Variants in NEGR1 observed in about 807,000 individuals in gnomAD.
NEGR1 encodes the protein IgLON family member 4.
NEGR1 carries 10 observed loss-of-function variants against 40.9 expected under a neutral mutation model. That is an observed-to-expected ratio of 0.24 (90% CI 0.15 to 0.42). NEGR1 has a LOEUF of 0.42. NEGR1 is among the 10% of genes least tolerant of loss of function. The pLI is 1.00. For missense variants in NEGR1, 352 were observed against 438.9 expected, an observed-to-expected ratio of 0.80 and a Z score of 1.77; for synonymous variants, 185 against 166.8, an observed-to-expected ratio of 1.11 and a Z score of -0.84.
intron 2 of NEGR1, among the ~76,000 whole-genome samples, chr1:71,850,016 C>A (rs1426923825): frequency 1.3e-5 from 2 of 152,118 alleles, no homozygotes; most frequent in Non-Finnish European, 2.9e-5. Context: ...GGCAATGTCT[C>A]CCAAATATGC....
At chr1:71,452,071 A>G (rs982698536) in intron 6 of NEGR1, among the ~76,000 whole-genome samples, 2 of 152,224 alleles carry the variant, frequency 1.3e-5, no homozygotes, top group African/African-American at 2.4e-5. Flanking sequence ...TAATTTTACT[A>G]TGAGACAAAG....
chr1:71,878,757 C>A (rs1660502104), intron 2 of NEGR1, among the ~76,000 whole-genome samples: 1 of 152,128 alleles, frequency 6.6e-6, no homozygotes, highest in African/African-American at 2.4e-5. Flanking sequence ...TATGTGTCAT[C>A]TTGGTCTTAG....
intron 6 of NEGR1, among the ~76,000 whole-genome samples, chr1:71,422,014 A>G (rs1569852847): frequency 6.6e-6 from 1 of 151,894 alleles, no homozygotes; most frequent in Non-Finnish European, 1.5e-5. Context: ...ATATTAAACT[A>G]TATCTTATCT....
At chr1:72,012,424 A>G (rs1244502013) in intron 1 of NEGR1, among the ~76,000 whole-genome samples, 2 of 152,062 alleles carry the variant, frequency 1.3e-5, no homozygotes, top group Non-Finnish European at 2.9e-5. Context: ...CGGTCGAGCC[A>G]AATCAGTTTC....
chr1:71,865,560 A>G (rs780756538), intron 2 of NEGR1, among the ~76,000 whole-genome samples: 3 of 152,068 alleles, frequency 2.0e-5, no homozygotes, highest in Admixed American at 2.0e-4. Flanking sequence ...ATAAGAACAC[A>G]TGGACACAGG....
At chr1:71,906,314 A>G (rs1257832876) in intron 2 of NEGR1, among the ~76,000 whole-genome samples, 1 of 152,070 alleles carries the variant, frequency 6.6e-6, no homozygotes, top group Non-Finnish European at 1.5e-5. Flanking sequence ...TGGGTGCACC[A>G]AAATCTCAGA....
At chr1:71,894,377 C>A (rs1001965025) in intron 2 of NEGR1, among the ~76,000 whole-genome samples, 3 of 152,118 alleles carry the variant, frequency 2.0e-5, no homozygotes, top group African/African-American at 7.2e-5. Flanking sequence ...AATAGGGGCT[C>A]TTTGAAGCAC....
chr1:71,929,335 G>T (rs1210629076), intron 2 of NEGR1, among the ~76,000 whole-genome samples: 2 of 151,988 alleles, frequency 1.3e-5, no homozygotes, highest in Admixed American at 1.3e-4. Context: ...ACACATAACG[G>T]GTTATTAAGC....
chr1:72,130,152 C>T (rs930778628), intron 1 of NEGR1, among the ~76,000 whole-genome samples: 1 of 152,116 alleles, frequency 6.6e-6, no homozygotes, highest in East Asian at 1.9e-4. Context: ...ATTACTTACG[C>T]TTTTTTCTTT....
intron 6 of NEGR1, among the ~76,000 whole-genome samples, chr1:71,472,289 C>A (rs17091252): frequency 0.018 from 2,708 of 152,166 alleles, 80 homozygotes; most frequent in African/African-American, 0.062. Context: ...GACTGGCTAT[C>A]ATTTTTTCCT....
At chr1:71,945,977 A>G (rs776012196) in intron 1 of NEGR1, among the ~76,000 whole-genome samples, 7 of 152,230 alleles carry the variant, frequency 4.6e-5, no homozygotes, top group Non-Finnish European at 1.0e-4. Context: ...ATTTCTATAT[A>G]GAGACTGCAT....
At chr1:72,110,894 ACAGT>A (rs1052876814) in intron 1 of NEGR1, among the ~76,000 whole-genome samples, 1 of 151,648 alleles carries the variant, frequency 6.6e-6, no homozygotes, top group Admixed American at 6.6e-5. Context: ...TAATCAAGAT[ACAGT>A]CAGTCAAAAA....
intron 2 of NEGR1, among the ~76,000 whole-genome samples, chr1:71,932,337 T>C (rs1440454346): frequency 6.6e-6 from 1 of 152,072 alleles, no homozygotes; most frequent in African/African-American, 2.4e-5. Flanking sequence ...TTTTGACTGG[T>C]GTGGACCTTA....
At chr1:72,150,313 AG>A (rs1306697625) in intron 1 of NEGR1, among the ~76,000 whole-genome samples, 1 of 152,212 alleles carries the variant, frequency 6.6e-6, no homozygotes, top group Non-Finnish European at 1.5e-5. Context: ...TCTTTTAAAA[AG>A]GAATATATAA....
At chr1:71,622,431 C>T (rs575793714) in intron 4 of NEGR1, among the ~76,000 whole-genome samples, 7 of 151,880 alleles carry the variant, frequency 4.6e-5, no homozygotes, top group South Asian at 2.1e-4. Context: ...ATATTGAAGG[C>T]GTTATAAACT....
chr1:71,985,909 C>T (rs928268411), intron 1 of NEGR1, among the ~76,000 whole-genome samples: 1 of 152,068 alleles, frequency 6.6e-6, no homozygotes, highest in East Asian at 1.9e-4. Flanking sequence ...TTTTCTTCAA[C>T]CACCAGGGTT....
intron 1 of NEGR1, among the ~76,000 whole-genome samples, chr1:72,141,150 T>C (rs1650662501): frequency 6.6e-6 from 1 of 151,930 alleles, no homozygotes; most frequent in Non-Finnish European, 1.5e-5. Flanking sequence ...AAGAAGAGAC[T>C]CAGTGTGTAA....
Position 71,799,767 on chromosome 1 carries a change from C to T in NEGR1, c.410-23470G>A, listed in dbSNP as rs370833845. Among the ~76,000 whole-genome samples, 204 of 152,060 alleles carry T rather than the reference C, an allele frequency of 1.3e-3. 1 individual carries two copies. Among genetic ancestry groups the T allele is most frequent in the African/African-American group, 4.6e-3 (192 of 41,472 alleles). ...TGGCTCTGTCACCCAGGCTGGAGTG[C>T]AGAGGCACGATCTTGGCTCACTGCA... is the stretch of plus-strand genomic sequence containing the variant. On this transcript the variant is annotated intron_variant, in intron 2 of 6. Transcript: ENST00000357731.
chr1:72,069,091 C>G lies in NEGR1; in HGVS notation c.177-133780G>C, dbSNP rs556156165. The stretch of plus-strand genomic sequence containing the variant: ...TCAACCTAAAAGGATTTCTTTATAG[C>G]ATATATCTTTTGTGTCAGTTTAAGT... On this transcript the variant is annotated intron_variant, in intron 1 of 6. Transcript: ENST00000357731. 5.9e-5 allele frequency among the ~76,000 whole-genome samples: 9 copies of G among 152,008 alleles called. No homozygotes were observed. The South Asian group carries it at 1.9e-3, about 32-fold the overall frequency.
Sources: gnomAD v4.1 joint callset for allele counts (sites outside exome capture counted in the v4.1 genomes callset) on GRCh38, gnomAD v4.1.1 for gene constraint, MANE v1.5 for transcripts, NCBI Gene and HGNC (gene_info 2026-07-23, HGNC 2026-07-21) for gene names.